The following ITGB3BP variants were observed in gnomAD, a reference collection of about 807,000 sequenced individuals.
ITGB3BP encodes centromere protein R.
In ITGB3BP, 27 loss-of-function variants were observed where a neutral mutation model predicts 29.1. The observed-to-expected ratio is 0.93, with a 90% CI of 0.68 to 1.28. ITGB3BP has a LOEUF of 1.28. Among genes scored for constraint, ITGB3BP ranks in the 50% most tolerant of loss-of-function variants. ITGB3BP has a pLI of 0.00. For missense variants in ITGB3BP, 192 were observed against 200.2 expected (o/e 0.96, Z 0.25); for synonymous variants, 61 against 61.4 (o/e 0.99, Z 0.03).
intron 1 of ITGB3BP, among the ~76,000 whole-genome samples, chr1:63,521,722 C>A (rs1388115791): frequency 6.6e-6 from 1 of 152,014 alleles, no homozygotes; most frequent in Non-Finnish European, 1.5e-5. Flanking sequence ...GTAGAGGCTG[C>A]AGTGAGCTGT....
At chr1:63,452,628 T>C (rs1644876769) in intron 7 of ITGB3BP, among the ~76,000 whole-genome samples, 1 of 15,610 alleles carries the variant, frequency 6.4e-5, no homozygotes, top group African/African-American at 6.9e-5. Flanking sequence ...CTTTTTCTTT[T>C]CTTTCTTTTT....
At chr1:63,485,036 C>CT (rs1645500910) in intron 3 of ITGB3BP, among the ~76,000 whole-genome samples, 2 of 151,842 alleles carry the variant, frequency 1.3e-5, no homozygotes, top group South Asian at 4.2e-4. Context: ...CAACTACTAG[C>CT]TTTTTTTAAA....
intron 4 of ITGB3BP, among the ~76,000 whole-genome samples, chr1:63,459,337 A>C (rs1314892182): frequency 6.6e-6 from 1 of 152,182 alleles, no homozygotes; most frequent in Non-Finnish European, 1.5e-5. Flanking sequence ...CTATTACTAA[A>C]AGCTATTATC....
At chr1:63,525,473 TA>T, upstream of ITGB3BP, 2 of 1,005,896 alleles carry the variant, frequency 2.0e-6, no homozygotes, top group Non-Finnish European at 2.8e-6. Context: ...CTTCTATGTA[TA>T]AAATCTTGAT....
At chr1:63,498,476 A>G (rs1157742870) in intron 2 of ITGB3BP, among the ~76,000 whole-genome samples, 3 of 152,156 alleles carry the variant, frequency 2.0e-5, no homozygotes, top group Non-Finnish European at 4.4e-5. Context: ...GGGTCAAAGA[A>G]GGAATTTTTT....
chr1:63,505,629 C>T (rs1418665409), intron 2 of ITGB3BP, among the ~76,000 whole-genome samples: 4 of 152,054 alleles, frequency 2.6e-5, no homozygotes, highest in Non-Finnish European at 2.9e-5. Context: ...TAGATCTTTC[C>T]TGCTTTCTCT....
chr1:63,478,389 T>C (rs1389057124), intron 4 of ITGB3BP, among the ~76,000 whole-genome samples: 1 of 152,248 alleles, frequency 6.6e-6, no homozygotes, highest in Non-Finnish European at 1.5e-5. Flanking sequence ...CTCACTCTGC[T>C]GGCTTCACTG....
intron 7 of ITGB3BP, among the ~76,000 whole-genome samples, chr1:63,451,212 CAAAA>C (rs202112857): frequency 2.6e-5 from 4 of 151,496 alleles, no homozygotes; most frequent in African/African-American, 4.8e-5. Flanking sequence ...AACAAACAAA[CAAAA>C]AAACCCACCA....
intron 4 of ITGB3BP, among the ~76,000 whole-genome samples, chr1:63,459,924 T>C (rs1644989234): frequency 6.6e-6 from 1 of 152,074 alleles, no homozygotes; most frequent in East Asian, 1.9e-4. Context: ...TCCAGGCAAT[T>C]CTTATGCACA....
chr1:63,449,657 G>C (rs1000938583), intron 7 of ITGB3BP: 1 of 154,238 alleles, frequency 6.5e-6, no homozygotes, highest in Non-Finnish European at 1.5e-5. Flanking sequence ...GAGGACTATA[G>C]TTGTACATTA....
chr1:63,517,078 T>A, intron 1 of ITGB3BP, among the ~76,000 whole-genome samples: 1 of 151,438 alleles, frequency 6.6e-6, no homozygotes, highest in Non-Finnish European at 1.5e-5. Flanking sequence ...ACATGAAAAA[T>A]GAAATATAAA....
At chr1:63,461,464 C>G (rs553694090) in intron 4 of ITGB3BP, among the ~76,000 whole-genome samples, 1 of 152,140 alleles carries the variant, frequency 6.6e-6, no homozygotes, top group South Asian at 2.1e-4. Flanking sequence ...AAAGCTTTTA[C>G]TTTTGATAAA....
At chr1:63,487,344 C>T (rs1478345990) in intron 3 of ITGB3BP, among the ~76,000 whole-genome samples, 1 of 151,976 alleles carries the variant, frequency 6.6e-6, no homozygotes, top group African/African-American at 2.4e-5. Context: ...TCTGGAGAAA[C>T]TTGCTATGGG....
At chr1:63,493,086 A>ACGCGTGCG (rs772254640) in intron 2 of ITGB3BP, among the ~76,000 whole-genome samples, 4 of 134,490 alleles carry the variant, frequency 3.0e-5, no homozygotes, top group Non-Finnish European at 4.8e-5. Context: ...ACACACACAC[A>ACGCGTGCG]CACGCGCGCG....
At chr1:63,495,439 G>A (rs1403266254) in intron 2 of ITGB3BP, among the ~76,000 whole-genome samples, 5 of 152,176 alleles carry the variant, frequency 3.3e-5, no homozygotes, top group South Asian at 4.1e-4. Flanking sequence ...GGAAGGAACC[G>A]CAGACTTAAC....
chr1:63,461,625 ATT>A (rs1385735706), intron 4 of ITGB3BP, among the ~76,000 whole-genome samples: 1 of 152,218 alleles, frequency 6.6e-6, no homozygotes, highest in African/African-American at 2.4e-5. Flanking sequence ...TCACTGATCC[ATT>A]TTGATTTAAT....
intron 3 of ITGB3BP, among the ~76,000 whole-genome samples, chr1:63,486,075 T>C (rs935399632): frequency 2.0e-5 from 3 of 152,062 alleles, no homozygotes; most frequent in Non-Finnish European, 2.9e-5. Context: ...TGGAGAGTCT[T>C]ATTCTGCCTA....
intron 4 of ITGB3BP, among the ~76,000 whole-genome samples, chr1:63,470,466 T>C (rs1312929113): frequency 2.0e-5 from 3 of 152,214 alleles, no homozygotes; most frequent in African/African-American, 7.2e-5. Flanking sequence ...TACTAACTTT[T>C]AGCAGTATTG....
At chr1:63,472,744 C>T (rs541219425) in intron 4 of ITGB3BP, among the ~76,000 whole-genome samples, 3,315 of 151,738 alleles carry the variant, frequency 0.022, 126 homozygotes, top group African/African-American at 0.075. Context: ...CCCGAGGCGC[C>T]GGGATTGCAG....
Sources: gnomAD v4.1 joint callset for allele counts (sites outside exome capture counted in the v4.1 genomes callset) on GRCh38, gnomAD v4.1.1 for gene constraint, MANE v1.5 for transcripts, NCBI Gene and HGNC (gene_info 2026-07-23, HGNC 2026-07-21) for gene names.